Variants in C12orf42 observed in about 807,000 individuals in gnomAD.
The protein encoded by C12orf42 is chromosome 12 open reading frame 42, also known as uncharacterized protein C12orf42.
A neutral mutation model predicts 21.6 loss-of-function variants in C12orf42; 25 were observed. The ratio of observed to expected loss-of-function variants is 1.16; its 90% confidence interval spans 0.84 to 1.62. C12orf42 has a LOEUF of 1.62. Among genes scored for constraint, C12orf42 ranks in the 40% most tolerant of loss-of-function variants. C12orf42 has a pLI of 0.00. For missense variants in C12orf42, 483 were observed against 459.3 expected, an observed-to-expected ratio of 1.05 and a Z score of -0.47; for synonymous variants, 174 against 175.0, an observed-to-expected ratio of 0.99 and a Z score of 0.05.
chr12:103,503,199 T>C, the C12orf42 span, among the ~76,000 whole-genome samples: 1 of 152,152 alleles, frequency 6.6e-6, no homozygotes, highest in Admixed American at 6.6e-5. Context: ...TGTGGGTGCT[T>C]ACAAATCTTT....
Position 103,385,019 on chromosome 12 carries a change from C to A in C12orf42, c.148-16021G>T, listed in dbSNP as rs576174472. On this transcript the variant is annotated intron_variant, in intron 3 of 5. Transcript: ENST00000548883. ...CATCTTTACTAAGTACCAATAATTT[C>A]AGGTAAAAATGCTCGTCAAGCCTCC... 7.9e-5 allele frequency among the ~76,000 whole-genome samples: 12 copies of A among 152,274 alleles called. No individual in the cohort carries two copies. The Middle Eastern group carries it at 0.01, about 129-fold the overall frequency.
chr12:103,542,193 G>A, the C12orf42 span, among the ~76,000 whole-genome samples: 1 of 152,176 alleles, frequency 6.6e-6, no homozygotes, highest in Non-Finnish European at 1.5e-5. Context: ...GAATAAGCTG[G>A]ACCTGACTAT....
At chr12:103,558,598 C>T in the C12orf42 span, 10 of 152,200 alleles carry the variant, frequency 6.6e-5, no homozygotes, top group African/African-American at 2.4e-4. Flanking sequence ...TTCTCTAGCA[C>T]TGTATTCTGT....
chr12:103,277,642 A>AG (rs1402878803), intron 4 of C12orf42, among the ~76,000 whole-genome samples: 7 of 148,614 alleles, frequency 4.7e-5, no homozygotes, highest in African/African-American at 1.5e-4. Context: ...TTTTTTTGAG[A>AG]TGGAGTCTCG....
downstream of C12orf42, among the ~76,000 whole-genome samples, chr12:103,234,321 T>C (rs2033402874): frequency 6.6e-6 from 1 of 152,216 alleles, no homozygotes. Context: ...AGTGCATCAA[T>C]TTTATTCTTC....
chr12:103,494,890 C>G (rs557996704), intron 1 of C12orf42, among the ~76,000 whole-genome samples: 1 of 152,158 alleles, frequency 6.6e-6, no homozygotes, highest in East Asian at 1.9e-4. Context: ...CGGGAGGGGG[C>G]AGCACAGTTG....
chr12:103,313,022 T>A (rs6539065), intron 4 of C12orf42, among the ~76,000 whole-genome samples: 103,416 of 152,120 alleles, frequency 0.68, 37,149 homozygotes, highest in African/African-American at 0.92. Context: ...AATAACTTCT[T>A]TGTGTTCATT....
chr12:103,443,408 A>G (rs1188704727), intron 2 of C12orf42, among the ~76,000 whole-genome samples: 2 of 152,004 alleles, frequency 1.3e-5, no homozygotes, highest in Non-Finnish European at 2.9e-5. Context: ...TGCACTCTAG[A>G]GTTTAGGTAA....
chr12:103,146,277 T>A, the C12orf42 span, among the ~76,000 whole-genome samples: 1 of 150,946 alleles, frequency 6.6e-6, no homozygotes, highest in Admixed American at 6.6e-5. Flanking sequence ...GGTCAGGAGT[T>A]TGAGACCAGC....
intron 2 of C12orf42, among the ~76,000 whole-genome samples, chr12:103,423,026 T>G (rs890218107): frequency 2.0e-5 from 3 of 152,158 alleles, no homozygotes; most frequent in Non-Finnish European, 2.9e-5. Context: ...AGCCAGTATT[T>G]TTCCTTCGAT....
At chr12:103,156,243 A>G in the C12orf42 span, 47 of 152,166 alleles carry the variant, frequency 3.1e-4, 1 homozygote, top group Admixed American at 1.1e-3. Context: ...AAGCATACCT[A>G]ATGTATGATT....
intron 10 of C12orf42, among the ~76,000 whole-genome samples, chr12:103,261,444 T>C (rs961663331): frequency 7.0e-6 from 1 of 142,454 alleles, no homozygotes; most frequent in Non-Finnish European, 1.5e-5. Context: ...ATCGTGCCAC[T>C]GCACACCAGC....
intron 4 of C12orf42, chr12:103,349,308 GCCCACC>G: frequency 1.3e-5 from 2 of 152,242 alleles, no homozygotes; most frequent in South Asian, 4.1e-4. Flanking sequence ...AACTTGAGAA[GCCCACC>G]TTTAATGAAG....
At chr12:103,120,742 A>G in the C12orf42 span, among the ~76,000 whole-genome samples, 1 of 149,050 alleles carries the variant, frequency 6.7e-6, no homozygotes, top group African/African-American at 2.4e-5. Flanking sequence ...AATGATTATT[A>G]CTATAATTAT....
chr12:103,397,735 G>C (rs149235026), intron 3 of C12orf42: 1 of 152,276 alleles, frequency 6.6e-6, no homozygotes, highest in East Asian at 1.9e-4. Context: ...TTGCATTCCA[G>C]GATGATGAAT....
the C12orf42 span, among the ~76,000 whole-genome samples, chr12:103,146,511 A>G: frequency 6.7e-6 from 1 of 149,826 alleles, no homozygotes; most frequent in South Asian, 2.1e-4. Context: ...AAGAGAAAAG[A>G]AAGAGAAAGA....
At chr12:103,051,191 A>G in the C12orf42 span, among the ~76,000 whole-genome samples, 1 of 152,214 alleles carries the variant, frequency 6.6e-6, no homozygotes, top group Non-Finnish European at 1.5e-5. Flanking sequence ...CAAATGACTA[A>G]TAAGGTATAA....
At chr12:103,294,351 T>C (rs1452159317) in intron 4 of C12orf42, among the ~76,000 whole-genome samples, 2 of 97,434 alleles carry the variant, frequency 2.1e-5, no homozygotes, top group African/African-American at 8.2e-5. Flanking sequence ...AGCCTAAACA[T>C]GGCAGAAAAA....
chr12:103,123,834 T>A, the C12orf42 span, among the ~76,000 whole-genome samples: 1 of 151,914 alleles, frequency 6.6e-6, no homozygotes, highest in African/African-American at 2.4e-5. Flanking sequence ...AGATTAACCA[T>A]CAGAGATTTA....
Sources: allele counts gnomAD v4.1 joint callset (sites outside exome capture counted in the v4.1 genomes callset), GRCh38; gene constraint gnomAD v4.1.1; transcripts MANE v1.5; gene names NCBI Gene and HGNC (gene_info 2026-07-23, HGNC 2026-07-21).